Variants in DISC1 observed in about 807,000 individuals in gnomAD.
DISC1 encodes the protein disrupted in schizophrenia 1 protein.
A neutral mutation model predicts 84.5 loss-of-function variants in DISC1; 57 were observed. The ratio of observed to expected loss-of-function variants is 0.67; its 90% CI spans 0.55 to 0.84. The LOEUF (loss-of-function observed/expected upper bound fraction) is 0.84. Ranked by LOEUF, DISC1 falls within the 40% of genes least tolerant of loss-of-function variation. The pLI, the probability that DISC1 is intolerant of heterozygous loss-of-function variation, is 0.00. For synonymous variants in DISC1, 411 were observed against 415.2 expected, an observed-to-expected ratio of 0.99 and a Z score of 0.12; for missense variants, 1,000 against 1,057.8, an observed-to-expected ratio of 0.95 and a Z score of 0.76.
At chr1:231,750,282 T>C in intron 4 of DISC1, 1 of 1,377,318 alleles carries the variant, frequency 7.3e-7, no homozygotes, top group Non-Finnish European at 9.3e-7. Flanking sequence ...AGAAGACTTT[T>C]CTGCCACTTG....
intron 7 of DISC1, among the ~76,000 whole-genome samples, chr1:231,799,383 C>T (rs373171226): frequency 3.9e-4 from 60 of 152,204 alleles, no homozygotes; most frequent in African/African-American, 1.2e-3. Context: ...TTATTCACTG[C>T]GTACTATGTG....
chr1:231,693,290 A>G (rs1238328241), intron 1 of DISC1, among the ~76,000 whole-genome samples: 1 of 152,244 alleles, frequency 6.6e-6, no homozygotes, highest in African/African-American at 2.4e-5. Flanking sequence ...TGATGGCCAT[A>G]CATTGCGGCA....
At chr1:231,655,468 T>C (rs761396902) in intron 1 of DISC1, among the ~76,000 whole-genome samples, 4 of 152,208 alleles carry the variant, frequency 2.6e-5, no homozygotes, top group Non-Finnish European at 5.9e-5. Flanking sequence ...ATGGTGTATA[T>C]ATACCACATT....
At chr1:231,905,853 G>A (rs11588290) in intron 9 of DISC1, among the ~76,000 whole-genome samples, 10 of 151,844 alleles carry the variant, frequency 6.6e-5, no homozygotes, top group African/African-American at 2.4e-4. Flanking sequence ...TGGTTATTTA[G>A]GAAAATACCC....
In DISC1 at chr1:231,866,461, C is replaced by CTTA. The variant is rs1352368891; in HGVS notation, c.1981+47948_1981+47950dup. 134 of 773,616 alleles carry CTTA rather than the reference C, an allele frequency of 1.7e-4. 1 individual carries two copies. Among genetic ancestry groups the CTTA allele is most frequent in the Middle Eastern group, 7.9e-4 (3 of 3,794 alleles). 47.9% of individuals were successfully genotyped at this position (773,616 alleles called of 1,614,324 possible). On this transcript the variant is annotated intron_variant, in intron 9 of 12. Coordinates refer to ENST00000439617, the MANE Select transcript of DISC1 (RefSeq NM_018662.3). The stretch of plus-strand genomic sequence containing the variant: ...CAATGATAATGACCAACAGCTAACA[C>CTTA]TTATTACAAGGCTCCAGGCACTTTC...
intron 9 of DISC1, among the ~76,000 whole-genome samples, chr1:231,886,823 CT>C (rs765569778): frequency 1.5e-5 from 2 of 130,050 alleles, no homozygotes; most frequent in African/African-American, 2.9e-5. Flanking sequence ...TTCTTTCTTT[CT>C]TTCTTTCTTT....
intron 9 of DISC1, among the ~76,000 whole-genome samples, chr1:231,851,515 C>T (rs145425722): frequency 5.9e-5 from 9 of 152,292 alleles, no homozygotes; most frequent in South Asian, 2.1e-4. Context: ...CACCCCTGTC[C>T]GAAGGGGGTG....
At chr1:231,795,910 AG>A (rs2078726543) in intron 7 of DISC1, among the ~76,000 whole-genome samples, 1 of 152,156 alleles carries the variant, frequency 6.6e-6, no homozygotes, top group African/African-American at 2.4e-5. Context: ...AAATGCTTTC[AG>A]GATGGTAGTA....
intron 6 of DISC1, among the ~76,000 whole-genome samples, chr1:231,776,010 T>C (rs1387999927): frequency 6.6e-6 from 1 of 152,052 alleles, no homozygotes; most frequent in Non-Finnish European, 1.5e-5. Context: ...CATCCCTCCA[T>C]GTGGGCATGA....
At chr1:232,033,254 A>T (rs1485482751) in intron 12 of DISC1, among the ~76,000 whole-genome samples, 1 of 152,100 alleles carries the variant, frequency 6.6e-6, no homozygotes, top group South Asian at 2.1e-4. Flanking sequence ...TCCATTTTCC[A>T]TATCCCACAT....
intron 9 of DISC1, among the ~76,000 whole-genome samples, chr1:231,842,643 G>T (rs987978849): frequency 6.6e-6 from 1 of 152,172 alleles, no homozygotes; most frequent in Non-Finnish European, 1.5e-5. Context: ...ACTGGATGGA[G>T]TGTGAGCTGT....
At chr1:231,913,790 G>A (rs763650371) in intron 9 of DISC1, among the ~76,000 whole-genome samples, 9 of 152,156 alleles carry the variant, frequency 5.9e-5, no homozygotes, top group East Asian at 1.9e-4. Context: ...GTAGGTGACC[G>A]TTTCCTCACA....
intron 9 of DISC1, among the ~76,000 whole-genome samples, chr1:231,883,827 G>T (rs1014421513): frequency 2.6e-5 from 4 of 152,118 alleles, no homozygotes; most frequent in Non-Finnish European, 5.9e-5. Flanking sequence ...AACATGATGC[G>T]TTCAGGGTTA....
intron 1 of DISC1, among the ~76,000 whole-genome samples, chr1:231,654,258 C>T (rs1387195369): frequency 6.6e-6 from 1 of 151,954 alleles, no homozygotes; most frequent in Non-Finnish European, 1.5e-5. Context: ...TATTTTTAGT[C>T]CAGGCTCATG....
At chr1:231,644,373 C>T (rs2059963333) in intron 1 of DISC1, among the ~76,000 whole-genome samples, 1 of 152,222 alleles carries the variant, frequency 6.6e-6, no homozygotes, top group Admixed American at 6.5e-5. Flanking sequence ...CTAGGGCTAG[C>T]AGCCGGAAAG....
intron 9 of DISC1, 67 bp from the exon 10 acceptor site, chr1:231,958,761 G>C: frequency 6.7e-7 from 1 of 1,496,332 alleles, no homozygotes. Context: ...TGAGCTTTTA[G>C]TTGAATGGTT....
chr1:231,643,828 C>T (rs1010085773), intron 1 of DISC1, among the ~76,000 whole-genome samples: 2 of 152,266 alleles, frequency 1.3e-5, no homozygotes, highest in South Asian at 2.1e-4. Context: ...GTGCAGGTGA[C>T]GTCCCACACA....
chr1:231,836,570 A>G (rs1330547996), intron 9 of DISC1, among the ~76,000 whole-genome samples: 1 of 152,230 alleles, frequency 6.6e-6, no homozygotes, highest in African/African-American at 2.4e-5. Flanking sequence ...GGATTCAGGA[A>G]GGCACCTTTC....
At chr1:231,717,687 G>A (rs2068950999) in intron 3 of DISC1, among the ~76,000 whole-genome samples, 1 of 152,088 alleles carries the variant, frequency 6.6e-6, no homozygotes. Context: ...AAGTCTCCAG[G>A]TCCCATAGAC....
Sources: gnomAD v4.1 joint callset for allele counts (sites outside exome capture counted in the v4.1 genomes callset) on GRCh38, gnomAD v4.1.1 for gene constraint, MANE v1.5 for transcripts, NCBI Gene and HGNC (gene_info 2026-07-23, HGNC 2026-07-21) for gene names.